The following SLC39A11 variants were observed in gnomAD, a reference collection of about 807,000 sequenced individuals.
The protein encoded by SLC39A11 is zinc transporter ZIP11.
A neutral mutation model predicts 36.1 loss-of-function variants in SLC39A11; 33 were observed. That is an observed-to-expected ratio of 0.91 (90% CI 0.69 to 1.22). SLC39A11 has a LOEUF of 1.22. Among genes scored for constraint, SLC39A11 ranks in the 50% most tolerant of loss-of-function variants. SLC39A11 has a pLI of 0.00. For synonymous variants in SLC39A11, 166 were observed against 170.3 expected (o/e 0.97, Z 0.20); for missense variants, 432 against 430.3 (o/e 1.00, Z -0.03).
At chr17:72,669,656 C>A (rs1201630366) in intron 7 of SLC39A11, among the ~76,000 whole-genome samples, 4 of 152,162 alleles carry the variant, frequency 2.6e-5, no homozygotes, top group African/African-American at 7.2e-5. Flanking sequence ...ATGAAGCCAT[C>A]ATTTCCCTTT....
intron 4 of SLC39A11, among the ~76,000 whole-genome samples, chr17:72,966,720 C>T (rs1197173879): frequency 1.3e-5 from 2 of 152,148 alleles, no homozygotes; most frequent in African/African-American, 4.8e-5. Flanking sequence ...CAGGCGCCCG[C>T]CACCACGCCC....
intron 5 of SLC39A11, among the ~76,000 whole-genome samples, chr17:72,886,357 G>A (rs528327339): frequency 1.5e-4 from 23 of 152,330 alleles, no homozygotes; most frequent in Admixed American, 9.8e-4. Flanking sequence ...CTCAGACACA[G>A]AACTTTTGTT....
Position 72,865,207 on chromosome 17 carries a change from G to C in SLC39A11, c.431-15403C>G, listed in dbSNP as rs547112528. The stretch of plus-strand genomic sequence containing the variant: ...GTGAATATGGGTCCCAGGAACAGGG[G>C]CCTGGGTGTTACTGTCCACATGGAG... On this transcript the variant is annotated intron_variant, in intron 5 of 9. Transcript: ENST00000255559. Among the ~76,000 whole-genome samples the C allele has an allele frequency of 1.2e-4, 19 of 152,162 alleles. 1 individual carries two copies. The East Asian group carries it at 3.7e-3, about 29-fold the overall frequency.
chr17:73,047,990 A>AAATAT lies in SLC39A11; in HGVS notation c.148-16277_148-16276insATATT, dbSNP rs1555693446. On this transcript the variant is annotated intron_variant, in intron 3 of 9. Transcript: ENST00000255559. ...TCAAAAAAAAAAAAAAAAAAAAAAA[A>AAATAT]ATATATATATATATATATATATATA... Among the ~76,000 whole-genome samples, 35 of 58,726 alleles carry AAATAT rather than the reference A, an allele frequency of 6.0e-4. 1 individual carries two copies. The highest frequency in any genetic ancestry group is 1.4e-3 in the South Asian group (2 of 1,474). 38.5% of individuals were successfully genotyped at this position (58,726 alleles called of 152,430 possible). A position where few individuals can be genotyped will look rare whatever the true frequency, so the allele number is the denominator to read the frequency against.
chr17:72,705,962 T>TA lies in SLC39A11; in HGVS notation c.671+30687dup, dbSNP rs1471088261. 1.2e-4 allele frequency among the ~76,000 whole-genome samples: 19 copies of TA among 152,338 alleles called. 1 individual carries two copies. In the East Asian group the frequency reaches 3.5e-3, roughly 28 times the overall value. On this transcript the variant is annotated intron_variant, in intron 7 of 9. Transcript: ENST00000255559. ...ATGGTTCTATTCTCTGTACATTTTTTATTCCAAGGCCCCCAGAAAACTTTC... is the reference window on the plus strand; with the variant it reads ...ATGGTTCTATTCTCTGTACATTTTTTAATTCCAAGGCCCCCAGAAAACTTTC...
rs539849112 is a variant in SLC39A11, at chr17:73,016,082, A to G, written c.306+15474T>C. Among the ~76,000 whole-genome samples the G allele has an allele frequency of 5.3e-5, 8 of 152,286 alleles. No homozygotes were observed. The South Asian group carries it at 1.7e-3, about 32-fold the overall frequency. ...AACTTCTTCAGGTCTCAGTTTTACTATCTGTATCATGGGTTAATAGTCACT... is the reference window on the plus strand; with the variant it reads ...AACTTCTTCAGGTCTCAGTTTTACTGTCTGTATCATGGGTTAATAGTCACT... On this transcript the variant is annotated intron_variant, in intron 4 of 9. Coordinates refer to ENST00000255559, the MANE Select transcript of SLC39A11 (RefSeq NM_139177.4).
At chr17:72,679,681 G>T (rs1482981004) in intron 7 of SLC39A11, among the ~76,000 whole-genome samples, 2 of 152,212 alleles carry the variant, frequency 1.3e-5, no homozygotes, top group East Asian at 3.8e-4. Flanking sequence ...TGATTGGGCT[G>T]GGTGGCAGGT....
chr17:72,854,000 G>T (rs994532837), intron 5 of SLC39A11, among the ~76,000 whole-genome samples: 1 of 152,104 alleles, frequency 6.6e-6, no homozygotes, highest in Non-Finnish European at 1.5e-5. Flanking sequence ...TGGGAAGGAG[G>T]AGTAGAGGGG....
chr17:72,993,445 A>G (rs1252490756), intron 4 of SLC39A11, among the ~76,000 whole-genome samples: 1 of 152,256 alleles, frequency 6.6e-6, no homozygotes, highest in Non-Finnish European at 1.5e-5. Flanking sequence ...AGATGATTAA[A>G]ATGTGCAGCC....
intron 5 of SLC39A11, among the ~76,000 whole-genome samples, chr17:72,928,609 T>C (rs1042456582): frequency 5.3e-5 from 8 of 151,662 alleles, no homozygotes; most frequent in African/African-American, 1.9e-4. Flanking sequence ...GAAAAAAAAA[T>C]TGAATTTCCA....
At chr17:72,805,067 C>G (rs2077206641) in intron 6 of SLC39A11, among the ~76,000 whole-genome samples, 2 of 152,058 alleles carry the variant, frequency 1.3e-5, no homozygotes, top group Admixed American at 6.6e-5. Context: ...CTGAACATGA[C>G]TATTCTATGA....
At chr17:72,796,570 A>G (rs2076902097) in intron 6 of SLC39A11, among the ~76,000 whole-genome samples, 1 of 152,144 alleles carries the variant, frequency 6.6e-6, no homozygotes, top group African/African-American at 2.4e-5. Context: ...GCAAAGGAGA[A>G]CAGAGGGGAA....
chr17:72,706,580 G>C (rs564641671), intron 7 of SLC39A11, among the ~76,000 whole-genome samples: 1 of 152,348 alleles, frequency 6.6e-6, no homozygotes, highest in Non-Finnish European at 1.5e-5. Context: ...TTGGTAAACA[G>C]ACCCAAGGAG....
chr17:72,982,665 C>T (rs1217607592), intron 4 of SLC39A11, among the ~76,000 whole-genome samples: 1 of 150,716 alleles, frequency 6.6e-6, no homozygotes, highest in Non-Finnish European at 1.5e-5. Flanking sequence ...GAAATAGAAT[C>T]TCCATTTTTC....
rs1220365194 is a variant in SLC39A11 at position 72,671,755 on chromosome 17, T to TTACTTCA, written c.672-22494_672-22488dup. ...TAGCTATATTTGTTTCTATAGCTAT[T>TTACTTCA]TACTTCATAAGTAAATCATAAGACA... On this transcript the variant is annotated intron_variant, in intron 7 of 9. Coordinates refer to ENST00000255559, the MANE Select transcript of SLC39A11 (RefSeq NM_139177.4). Among the ~76,000 whole-genome samples, 7 of 152,300 alleles carry TTACTTCA rather than the reference T, an allele frequency of 4.6e-5. No individual in the cohort carries two copies. The East Asian group carries it at 5.8e-4, about 13-fold the overall frequency.
chr17:72,698,106 C>A (rs1374995247), intron 7 of SLC39A11, among the ~76,000 whole-genome samples: 2 of 152,180 alleles, frequency 1.3e-5, no homozygotes, highest in Non-Finnish European at 2.9e-5. Context: ...AAACACAGAT[C>A]ATAGCTGGCT....
At chr17:72,821,197 G>A (rs919159006) in intron 6 of SLC39A11, among the ~76,000 whole-genome samples, 2 of 150,516 alleles carry the variant, frequency 1.3e-5, no homozygotes, top group Admixed American at 1.3e-4. Flanking sequence ...TATTACCAAG[G>A]TCCTTATAAA....
At chr17:72,760,757 A>C (rs1176155284) in intron 6 of SLC39A11, among the ~76,000 whole-genome samples, 1 of 152,212 alleles carries the variant, frequency 6.6e-6, no homozygotes, top group East Asian at 1.9e-4. Flanking sequence ...TCTCAGAACC[A>C]GCTCGGCAGG....
intron 3 of SLC39A11, among the ~76,000 whole-genome samples, chr17:73,044,447 A>G (rs1418511574): frequency 2.0e-5 from 3 of 152,200 alleles, no homozygotes; most frequent in Non-Finnish European, 4.4e-5. Context: ...AACAACAAAA[A>G]CTATATGGAT....
Sources: allele counts gnomAD v4.1 joint callset (sites outside exome capture counted in the v4.1 genomes callset), GRCh38; gene constraint gnomAD v4.1.1; transcripts MANE v1.5; gene names NCBI Gene and HGNC (gene_info 2026-07-23, HGNC 2026-07-21).